LMBR1: variants seen among roughly 807,000 people sequenced by gnomAD.
LMBR1 encodes the protein limb development membrane protein 1, also known as limb region 1 protein homolog.
Under a neutral mutation model 73.9 loss-of-function variants are expected in LMBR1, and 52 were observed. That is an observed-to-expected ratio of 0.70 (90% CI 0.56 to 0.89). The LOEUF (loss-of-function observed/expected upper bound fraction) is 0.89. Ranked by LOEUF, LMBR1 falls within the 40% of genes least tolerant of loss-of-function variation. The pLI is 0.00. For missense variants in LMBR1, 539 were observed against 579.8 expected (o/e 0.93, Z 0.72); for synonymous variants, 215 against 209.4 (o/e 1.03, Z -0.23).
intron 7 of LMBR1, among the ~76,000 whole-genome samples, chr7:156,762,842 T>TTTGA (rs772915870): frequency 2.3e-4 from 24 of 102,350 alleles, no homozygotes; most frequent in East Asian, 6.3e-4. Context: ...AGTGTGTGAG[T>TTTGA]GTGAGTGTGT....
At chr7:156,873,076 G>A (rs1186038026) in intron 1 of LMBR1, among the ~76,000 whole-genome samples, 2 of 152,202 alleles carry the variant, frequency 1.3e-5, no homozygotes, top group Non-Finnish European at 2.9e-5. Context: ...TCCGGAATTA[G>A]TGGGTTCTTG....
chr7:156,673,548 C>A (rs547711882), downstream of LMBR1, among the ~76,000 whole-genome samples: 5 of 152,274 alleles, frequency 3.3e-5, no homozygotes, highest in Non-Finnish European at 7.4e-5. Flanking sequence ...GAATTTGACT[C>A]ATAAATAGAA....
intron 5 of LMBR1, among the ~76,000 whole-genome samples, chr7:156,775,135 G>A (rs1286266142): frequency 1.1e-4 from 17 of 151,904 alleles, no homozygotes; most frequent in African/African-American, 3.4e-4. Flanking sequence ...TGGGAAGCCC[G>A]GGTGGGCAGA....
At chr7:156,800,137 A>AAAGTGGCTGC (rs1830690190) in intron 4 of LMBR1, among the ~76,000 whole-genome samples, 1 of 152,258 alleles carries the variant, frequency 6.6e-6, no homozygotes, top group South Asian at 2.1e-4. Flanking sequence ...ACCATCAATG[A>AAAGTGGCTGC]AAGTGGCTGC....
chr7:156,740,811 CA>C (rs1259296493), intron 9 of LMBR1, among the ~76,000 whole-genome samples: 2 of 152,134 alleles, frequency 1.3e-5, no homozygotes, highest in African/African-American at 4.8e-5. Context: ...TGAAGATACA[CA>C]AACTCACTGG....
At chr7:156,676,018 C>G (rs1325512535), downstream of LMBR1, among the ~76,000 whole-genome samples, 1 of 138,482 alleles carries the variant, frequency 7.2e-6, no homozygotes, top group Non-Finnish European at 1.6e-5. Context: ...GGTGGCATGT[C>G]GGGGGAGGTC....
chr7:156,705,345 C>T (rs1296815045), intron 15 of LMBR1, among the ~76,000 whole-genome samples: 1 of 152,048 alleles, frequency 6.6e-6, no homozygotes, highest in African/African-American at 2.4e-5. Flanking sequence ...ATGGGTTGAG[C>T]CCAGGAGTTC....
intron 8 of LMBR1, among the ~76,000 whole-genome samples, chr7:156,761,154 G>A (rs1041078816): frequency 2.0e-5 from 3 of 152,194 alleles, no homozygotes; most frequent in Admixed American, 1.3e-4. Context: ...TAAACACAGG[G>A]ACAGCTAGAG....
Position 156,741,430 on chromosome 7 carries a change from G to A in LMBR1, c.758-7173C>T, listed in dbSNP as rs555406273. Reference sequence around the variant, plus strand: ...AAATACACGTTACCTATACAGATACGAATAGATTGAAAATAAAGGCATAGA... The same window carrying A: ...AAATACACGTTACCTATACAGATACAAATAGATTGAAAATAAAGGCATAGA... On this transcript the variant is annotated intron_variant, in intron 9 of 16. Transcript: ENST00000353442. 6.6e-5 allele frequency among the ~76,000 whole-genome samples: 10 copies of A among 152,126 alleles called. No homozygotes were observed. In the East Asian group the frequency reaches 1.7e-3, roughly 26 times the overall value.
At chr7:156,780,645 A>C (rs774632867) in intron 5 of LMBR1, among the ~76,000 whole-genome samples, 24 of 152,254 alleles carry the variant, frequency 1.6e-4, no homozygotes, top group Non-Finnish European at 3.2e-4. Flanking sequence ...AATGAGAACT[A>C]ACACTTGCAG....
At chr7:156,691,981 A>C (rs1807286828) in intron 15 of LMBR1, among the ~76,000 whole-genome samples, 1 of 152,234 alleles carries the variant, frequency 6.6e-6, no homozygotes, top group African/African-American at 2.4e-5. Flanking sequence ...GCTCATTGCC[A>C]ATTGTTTTAT....
downstream of LMBR1, chr7:156,676,419 G>A (rs1419061716): frequency 1.2e-6 from 2 of 1,614,094 alleles, no homozygotes; most frequent in Non-Finnish European, 1.7e-6. Context: ...TGTGCCGCAG[G>A]CTCTGCGCCG....
chr7:156,861,088 A>G (rs1265920785), intron 1 of LMBR1, among the ~76,000 whole-genome samples: 2 of 152,164 alleles, frequency 1.3e-5, no homozygotes, highest in African/African-American at 4.8e-5. Context: ...CTCCAACCCC[A>G]CATTTCCCTT....
At chr7:156,787,151 A>G (rs1828261233) in intron 5 of LMBR1, among the ~76,000 whole-genome samples, 1 of 152,054 alleles carries the variant, frequency 6.6e-6, no homozygotes, top group Non-Finnish European at 1.5e-5. Context: ...CCTTTGCCTG[A>G]GCGCTTCTTA....
chr7:156,783,855 T>C (rs1827600744), intron 5 of LMBR1, among the ~76,000 whole-genome samples: 1 of 152,208 alleles, frequency 6.6e-6, no homozygotes, highest in Admixed American at 6.5e-5. Context: ...GATCAGGCCA[T>C]GTCAGCTCAT....
chr7:156,680,291 A>G lies in LMBR1; in HGVS notation c.*3787T>C, dbSNP rs1804780526. ...GTGTCTGTGTCTAGTATTTTTAAAA[A>G]TAATAAAACAGAAGATGCCAGCATG... On this transcript the variant is annotated 3_prime_UTR_variant, in exon 17 of 17. Transcript: ENST00000353442. 2 of 152,186 alleles carry G rather than the reference A, an allele frequency of 1.3e-5. No homozygotes were observed. The highest frequency in any genetic ancestry group is 6.5e-5 in the Admixed American group (1 of 15,276). The allele number at this position is 152,186 out of a possible 1,614,324, so 9.4% of individuals were successfully genotyped here. A position where few individuals can be genotyped will look rare whatever the true frequency, so the allele number is the denominator to read the frequency against.
At chr7:156,713,911 A>G (rs1279695253) in intron 15 of LMBR1, among the ~76,000 whole-genome samples, 3 of 152,162 alleles carry the variant, frequency 2.0e-5, no homozygotes, top group Non-Finnish European at 4.4e-5. Flanking sequence ...TTTTTGTGTT[A>G]TAAGTTAAAT....
chr7:156,733,999 G>C (rs1421350193), intron 10 of LMBR1, 178 bp downstream of exon 10: 2 of 445,134 alleles, frequency 4.5e-6, no homozygotes, highest in Non-Finnish European at 8.2e-6. Flanking sequence ...CAAAAAAAGT[G>C]AATAAATGTA....
At chr7:156,723,252 G>GT (rs1814994442) in intron 15 of LMBR1, among the ~76,000 whole-genome samples, 1 of 152,122 alleles carries the variant, frequency 6.6e-6, no homozygotes, top group African/African-American at 2.4e-5. Context: ...CCTGGTATCT[G>GT]TAAGTCTTCA....
Sources: gnomAD v4.1 joint callset for allele counts (sites outside exome capture counted in the v4.1 genomes callset) on GRCh38, gnomAD v4.1.1 for gene constraint, MANE v1.5 for transcripts, NCBI Gene and HGNC (gene_info 2026-07-23, HGNC 2026-07-21) for gene names.